MAN1C1: variants seen among roughly 807,000 people sequenced by gnomAD.
MAN1C1 encodes the protein mannosyl-oligosaccharide 1,2-alpha-mannosidase IC.
Under a neutral mutation model 71.5 loss-of-function variants are expected in MAN1C1, and 49 were observed. The observed-to-expected ratio is 0.69, with a 90% confidence interval of 0.54 to 0.87. The LOEUF (loss-of-function observed/expected upper bound fraction) is 0.87. Among genes scored for constraint, MAN1C1 ranks in the 40% least tolerant of loss-of-function variants. The pLI is 0.00. For synonymous variants in MAN1C1, 352 were observed against 343.7 expected, an observed-to-expected ratio of 1.02 and a Z score of -0.27; for missense variants, 743 against 835.0, an observed-to-expected ratio of 0.89 and a Z score of 1.36.
chr1:25,755,095 G>C (rs913931448), intron 5 of MAN1C1, among the ~76,000 whole-genome samples: 3 of 152,184 alleles, frequency 2.0e-5, no homozygotes, highest in Non-Finnish European at 4.4e-5. Context: ...CAACAGGAGG[G>C]GGAAGAACGT....
intron 1 of MAN1C1, among the ~76,000 whole-genome samples, chr1:25,666,752 G>A (rs1049701019): frequency 6.6e-6 from 1 of 152,164 alleles, no homozygotes; most frequent in Admixed American, 6.5e-5. Context: ...AGAAATCTCA[G>A]CCAGGCCTTT....
rs1295191788 is a variant in MAN1C1 at position 25,746,434 on chromosome 1, C to T, written c.638-234C>T. Among the ~76,000 whole-genome samples the T allele has an allele frequency of 2.0e-5, 3 of 152,204 alleles. No individual in the cohort carries two copies. Among genetic ancestry groups the T allele is most frequent in the Non-Finnish European group, 1.5e-5 (1 of 68,024 alleles). ...TGGGAAGTGGCTCAGCCTGGGCCCT[C>T]GGTCTCTCTGGCCGCTGTTTGCTGC... On this transcript the variant is annotated intron_variant, in intron 2 of 11. Coordinates refer to ENST00000374332, the MANE Select transcript of MAN1C1 (RefSeq NM_020379.4). This position sits in a 1 kb window ranked among gnomAD's most constrained non-coding sequence, Gnocchi z 4.0.
chr1:25,723,347 A>C (rs11590261), intron 2 of MAN1C1, among the ~76,000 whole-genome samples: 7,516 of 152,286 alleles, frequency 0.049, 369 homozygotes, highest in East Asian at 0.18. Context: ...GACTTGCAAC[A>C]AGCCCTCCTC....
chr1:25,657,575 ACACTCC>A (rs1313828337), intron 1 of MAN1C1, among the ~76,000 whole-genome samples: 1 of 152,218 alleles, frequency 6.6e-6, no homozygotes, highest in African/African-American at 2.4e-5. Flanking sequence ...TAAGGGCTTC[ACACTCC>A]CTGTGCTGAG....
chr1:25,779,000 T>C lies in MAN1C1; in HGVS notation c.1477+676T>C, dbSNP rs555598587. ...CCAAAGTCACACTGCACATGAGGAA[T>C]TGATCCTGGGCTGGAACCCAGGCCT... is the stretch of plus-strand genomic sequence containing the variant. On this transcript the variant is annotated intron_variant, in intron 9 of 11. Transcript: ENST00000374332. The surrounding 1 kb of genome is among the most constrained non-coding windows in gnomAD (Gnocchi z 5.5). 6.6e-6 allele frequency among the ~76,000 whole-genome samples: 1 copy of C among 152,218 alleles called. No homozygotes were observed. Among genetic ancestry groups the C allele is most frequent in the Admixed American group, 6.5e-5 (1 of 15,294 alleles).
In MAN1C1 at chr1:25,643,669, T is replaced by A. The variant is rs558896610; in HGVS notation, c.540+25332T>A. Among the ~76,000 whole-genome samples the A allele has an allele frequency of 8.0e-5, 12 of 150,764 alleles. No homozygotes were observed. The East Asian group carries it at 2.3e-3, about 29-fold the overall frequency. On this transcript the variant is annotated intron_variant, in intron 1 of 11. Transcript: ENST00000374332. ...ACAGACACCCGCCACCCCACCCAGC[T>A]AATTTTTTTGTATTTTTAGTAGATA...
chr1:25,682,920 C>T (rs535665378), intron 1 of MAN1C1, among the ~76,000 whole-genome samples: 1 of 151,996 alleles, frequency 6.6e-6, no homozygotes, highest in Admixed American at 6.6e-5. Flanking sequence ...TGTCTGTAAT[C>T]CCGGCTACTC....
chr1:25,754,155 G>C (rs1055202374), intron 5 of MAN1C1, among the ~76,000 whole-genome samples: 3 of 152,078 alleles, frequency 2.0e-5, no homozygotes, highest in Admixed American at 6.5e-5. Flanking sequence ...CACATCCCCG[G>C]GCACCCTGCA....
chr1:25,628,408 A>G (rs2045330399), intron 1 of MAN1C1, among the ~76,000 whole-genome samples: 1 of 152,086 alleles, frequency 6.6e-6, no homozygotes, highest in South Asian at 2.1e-4. Context: ...CCCGGGTTCA[A>G]GCAATTCTCC....
intron 1 of MAN1C1, among the ~76,000 whole-genome samples, chr1:25,652,954 C>A (rs1355850064): frequency 6.6e-6 from 1 of 152,062 alleles, no homozygotes; most frequent in Non-Finnish European, 1.5e-5. Flanking sequence ...AATGAGGTCT[C>A]GCCATGTTGC....
At chr1:25,714,419 A>G (rs1374925912) in intron 2 of MAN1C1, among the ~76,000 whole-genome samples, 4 of 152,246 alleles carry the variant, frequency 2.6e-5, no homozygotes, top group Non-Finnish European at 5.9e-5. Context: ...GCTCTTATTC[A>G]TGAATAAAAA....
At chr1:25,760,951 T>C (rs1379771880) in intron 6 of MAN1C1, 2 of 152,250 alleles carry the variant, frequency 1.3e-5, no homozygotes, top group African/African-American at 4.8e-5. Context: ...CTGTGCTCCA[T>C]GGTCACGGCC....
intron 8 of MAN1C1, chr1:25,772,079 G>T (rs2047560384): frequency 1.5e-5 from 5 of 330,484 alleles, no homozygotes; most frequent in Admixed American, 4.6e-5. Flanking sequence ...ACCACCACCT[G>T]CTTGGTGTCT....
At chr1:25,641,068 G>A (rs2045530301) in intron 1 of MAN1C1, among the ~76,000 whole-genome samples, 1 of 152,176 alleles carries the variant, frequency 6.6e-6, no homozygotes, top group South Asian at 2.1e-4. Flanking sequence ...ATTCTGTATA[G>A]CCTGTAGTCT....
intron 1 of MAN1C1, among the ~76,000 whole-genome samples, chr1:25,664,568 G>T (rs2124111519): frequency 6.6e-6 from 1 of 152,298 alleles, no homozygotes; most frequent in African/African-American, 2.4e-5. Flanking sequence ...CACTTTTACA[G>T]CTCGGCAGCC....
chr1:25,694,564 ATGT>A (rs2046346620), intron 2 of MAN1C1, among the ~76,000 whole-genome samples: 1 of 152,224 alleles, frequency 6.6e-6, no homozygotes, highest in Non-Finnish European at 1.5e-5. Flanking sequence ...AGCAAATATG[ATGT>A]TGAAGAGGGA....
intron 4 of MAN1C1, among the ~76,000 whole-genome samples, chr1:25,750,417 C>T (rs548759603): frequency 7.1e-6 from 1 of 140,994 alleles, no homozygotes; most frequent in South Asian, 2.5e-4. Context: ...CTGGACGCCC[C>T]CCTGCTCTGA....
chr1:25,696,629 CT>C (rs1273895073), intron 2 of MAN1C1, among the ~76,000 whole-genome samples: 1 of 151,884 alleles, frequency 6.6e-6, no homozygotes, highest in Non-Finnish European at 1.5e-5. Context: ...AGCTGCTGTT[CT>C]TTTTTTACTT....
chr1:25,724,174 G>T (rs905144996), intron 2 of MAN1C1, among the ~76,000 whole-genome samples: 6 of 152,144 alleles, frequency 3.9e-5, no homozygotes, highest in African/African-American at 1.4e-4. Context: ...GACTACAGGT[G>T]CACGCCACCA....
Sources: gnomAD v4.1 joint callset for allele counts (sites outside exome capture counted in the v4.1 genomes callset) on GRCh38, gnomAD v4.1.1 for gene constraint, Gnocchi (gnomAD v3.1) non-coding constraint, MANE v1.5 for transcripts, NCBI Gene and HGNC (gene_info 2026-07-23, HGNC 2026-07-21) for gene names.